The following TTC17 variants were observed in gnomAD, a reference collection of about 807,000 sequenced individuals.
TTC17 encodes the protein tetratricopeptide repeat protein 17.
TTC17 carries 58 observed loss-of-function variants against 143.8 expected under a neutral mutation model. The observed-to-expected ratio is 0.40, with a 90% CI of 0.33 to 0.50. TTC17 has a LOEUF of 0.50. Ranked by LOEUF, TTC17 falls within the 20% of genes least tolerant of loss-of-function variation. TTC17 has a pLI of 0.49. For missense variants in TTC17, 1,273 were observed against 1,392.5 expected (o/e 0.91, Z 1.37); for synonymous variants, 501 against 497.8 (o/e 1.01, Z -0.09).
intron 2 of TTC17, among the ~76,000 whole-genome samples, chr11:43,381,928 T>G (rs1045102275): frequency 3.9e-5 from 6 of 152,204 alleles, no homozygotes; most frequent in African/African-American, 1.4e-4. Context: ...CTTTGAAATG[T>G]TAACGTTTGA....
In TTC17 at chr11:43,404,153, A is replaced by G. The variant is rs1858004818; in HGVS notation, c.1479+9A>G. The G allele has an allele frequency of 1.9e-6, 3 of 1,598,158 alleles. No individual in the cohort carries two copies. The highest frequency in any genetic ancestry group is 2.6e-6 in the Non-Finnish European group (3 of 1,174,406). On this transcript the variant is annotated intron_variant, in intron 11 of 23. Transcript: ENST00000039989. ...ACTCTGATGCATATAGGGTAAGTTAATAGAGGATGACGAAGCAGTTTTCTC... is the reference window on the plus strand; with the variant it reads ...ACTCTGATGCATATAGGGTAAGTTAGTAGAGGATGACGAAGCAGTTTTCTC...
chr11:43,443,471 C>G lies in TTC17; in HGVS notation c.2398C>G (p.Arg800Gly). 1 of 1,614,034 alleles carries G rather than the reference C, an allele frequency of 6.2e-7. No homozygotes were observed. Reference sequence around the variant, plus strand: ...TGGGGGTGCACTAGAGATGAAAGGGCGGCGTCTAGACTTACAAGGAATACG... The same window carrying G: ...TGGGGGTGCACTAGAGATGAAAGGGGGGCGTCTAGACTTACAAGGAATACG... ...GFGGALEMKG[R>G]RLDLQGIRVL... The change falls in exon 17 of 24, where the codon CGG becomes GGG. Residue 800 changes from arginine to glycine, a missense_variant. This residue lies in a region of TTC17 where 878 missense variants were observed against 899.8 expected (regional missense o/e 0.98). Transcript: ENST00000039989.
At chr11:43,463,351 A>G (rs1564974453) in intron 21 of TTC17, among the ~76,000 whole-genome samples, 1 of 152,246 alleles carries the variant, frequency 6.6e-6, no homozygotes, top group East Asian at 1.9e-4. Flanking sequence ...ATATTGACCA[A>G]TACAGATTAA....
chr11:43,429,731 C>T (rs1947110674), intron 16 of TTC17, among the ~76,000 whole-genome samples: 1 of 152,156 alleles, frequency 6.6e-6, no homozygotes, highest in African/African-American at 2.4e-5. Context: ...ATTTTGAGTG[C>T]AGTTGGGTAG....
At chr11:43,396,954 CCA>C in intron 6 of TTC17, 136 bp downstream of exon 6, 1 of 447,748 alleles carries the variant, frequency 2.2e-6, no homozygotes, top group Non-Finnish European at 3.8e-6. Context: ...ATAAGTCCCA[CCA>C]CAAAAAAAAA....
rs559653911 is a variant in TTC17, at chr11:43,386,023, A to G, written c.250-3629A>G. 2.9e-3 allele frequency among the ~76,000 whole-genome samples: 438 copies of G among 152,112 alleles called. 2 individuals carry two copies. The highest frequency in any genetic ancestry group is 9.7e-3 in the African/African-American group (403 of 41,550). On this transcript the variant is annotated intron_variant, in intron 2 of 23. Coordinates refer to ENST00000039989, the MANE Select transcript of TTC17 (RefSeq NM_018259.6). The stretch of plus-strand genomic sequence containing the variant: ...TATTAATACTACAAAAACTAGACCA[A>G]TATATTTGAAAACTTAGGTATAATG...
intron 21 of TTC17, among the ~76,000 whole-genome samples, chr11:43,467,453 G>A (rs1486650417): frequency 6.6e-6 from 1 of 152,168 alleles, no homozygotes; most frequent in African/African-American, 2.4e-5. Context: ...ACTTATGTGA[G>A]GTATCTAGAG....
intron 19 of TTC17, chr11:43,448,791 A>G (rs992835515): frequency 5.9e-5 from 9 of 152,170 alleles, no homozygotes; most frequent in African/African-American, 2.2e-4. Context: ...CGGGAAAACT[A>G]AAGTCATAAT....
chr11:43,386,809 G>A (rs1857187259), intron 2 of TTC17, among the ~76,000 whole-genome samples: 1 of 152,002 alleles, frequency 6.6e-6, no homozygotes, highest in South Asian at 2.1e-4. Context: ...ATTTTTGTGA[G>A]ACAGGGTCTC....
chr11:43,432,479 G>C (rs1947180638), intron 16 of TTC17, among the ~76,000 whole-genome samples: 1 of 152,184 alleles, frequency 6.6e-6, no homozygotes, highest in South Asian at 2.1e-4. Context: ...TGCTTTGCAA[G>C]CAAGTAACAG....
At chr11:43,473,654 C>A (rs1351365821) in intron 21 of TTC17, among the ~76,000 whole-genome samples, 1 of 152,084 alleles carries the variant, frequency 6.6e-6, no homozygotes, top group Non-Finnish European at 1.5e-5. Context: ...GCAGGTGGAT[C>A]ACTTGAGGTC....
chr11:43,484,914 G>A lies in TTC17; in HGVS notation c.3031-5325G>A, dbSNP rs568948117. ...CATCGCTCGCATTACTGCCTGAGCT[G>A]TACATGCGAGGGATCTAGGTTGCAC... On this transcript the variant is annotated intron_variant, in intron 21 of 23. Coordinates refer to ENST00000039989, the MANE Select transcript of TTC17 (RefSeq NM_018259.6). Among the ~76,000 whole-genome samples the A allele has an allele frequency of 2.0e-5, 3 of 152,018 alleles. No homozygotes were observed. The South Asian group carries it at 6.2e-4, about 32-fold the overall frequency.
intron 16 of TTC17, among the ~76,000 whole-genome samples, chr11:43,440,167 T>C (rs1947384882): frequency 6.6e-6 from 1 of 152,212 alleles, no homozygotes; most frequent in African/African-American, 2.4e-5. Context: ...TATAGGACAG[T>C]TGTGTAGGAC....
At chr11:43,485,252 T>C (rs984985441) in intron 21 of TTC17, among the ~76,000 whole-genome samples, 3 of 152,138 alleles carry the variant, frequency 2.0e-5, no homozygotes, top group African/African-American at 7.2e-5. Context: ...ATTAAAAAAG[T>C]AATATTGAAA....
intron 16 of TTC17, 70 bp downstream of exon 16, chr11:43,414,846 A>G: frequency 6.7e-7 from 1 of 1,500,570 alleles, no homozygotes; most frequent in Non-Finnish European, 9.0e-7. Context: ...AAAAGAACAC[A>G]GAAAATGATT....
At chr11:43,389,864 CATTTCCTTTCTCAAATTAGT>C in intron 3 of TTC17, 43 bp downstream of exon 3, 2 of 1,497,650 alleles carry the variant, frequency 1.3e-6, no homozygotes, top group Non-Finnish European at 1.8e-6. Flanking sequence ...CTGTTTCAAA[CATTTCCTTTCTCAAATTAGT>C]AAGAAATTAT....
chr11:43,406,330 C>T (rs1858130657), intron 13 of TTC17, among the ~76,000 whole-genome samples: 2 of 152,210 alleles, frequency 1.3e-5, no homozygotes, highest in South Asian at 4.1e-4. Flanking sequence ...TGAAGAATCT[C>T]TCTCTGGCCT....
At chr11:43,467,745 A>G (rs1013603557) in intron 21 of TTC17, among the ~76,000 whole-genome samples, 16 of 152,244 alleles carry the variant, frequency 1.1e-4, no homozygotes, top group Non-Finnish European at 2.1e-4. Context: ...GTTATTAGAA[A>G]ATATCCAAAC....
chr11:43,372,595 A>C, intron 1 of TTC17, among the ~76,000 whole-genome samples: 1 of 151,958 alleles, frequency 6.6e-6, no homozygotes, highest in East Asian at 1.9e-4. Flanking sequence ...GATTCAAGCG[A>C]TTCTCCTGCC....
Sources: gnomAD v4.1 joint callset for allele counts (sites outside exome capture counted in the v4.1 genomes callset) on GRCh38, gnomAD v4.1.1 for gene constraint, gnomAD v4.1.1 regional missense constraint, MANE v1.5 for transcripts, NCBI Gene and HGNC (gene_info 2026-07-23, HGNC 2026-07-21) for gene names.